The following TMEM202 variants were observed in gnomAD, a reference collection of about 807,000 sequenced individuals.
TMEM202 encodes the protein transmembrane protein 202.
Under a neutral mutation model 26.1 loss-of-function variants are expected in TMEM202, and 25 were observed. That is an observed-to-expected ratio of 0.96 (90% CI 0.70 to 1.34). The LOEUF is 1.34. Ranked by LOEUF, TMEM202 falls within the 40% of genes most tolerant of loss-of-function variation. The pLI, the probability that TMEM202 is intolerant of heterozygous loss-of-function variation, is 0.00. For synonymous variants in TMEM202, 122 were observed against 119.0 expected (o/e 1.02, Z -0.16); for missense variants, 301 against 327.7 (o/e 0.92, Z 0.63).
At chr15:72,406,211 C>T (rs925908813) in intron 2 of TMEM202, among the ~76,000 whole-genome samples, 4 of 151,998 alleles carry the variant, frequency 2.6e-5, no homozygotes, top group Non-Finnish European at 5.9e-5. Flanking sequence ...AAAATATTAA[C>T]AATGGTTGCC....
In TMEM202 at chr15:72,408,171, G is replaced by C; in HGVS notation, c.*278G>C. ...TGAAAGATGCAGTGTGTAGACCAGA[G>C]ACCTCTTTGGGTATCAGGGATCTCA... On this transcript the variant is annotated 3_prime_UTR_variant, in exon 5 of 5. Coordinates refer to ENST00000341689, the MANE Select transcript of TMEM202 (RefSeq NM_001080462.3). 1 of 334,756 alleles carries C rather than the reference G, an allele frequency of 3.0e-6. No individual in the cohort carries two copies. Among genetic ancestry groups the C allele is most frequent in the Non-Finnish European group, 5.5e-6 (1 of 181,116 alleles). The allele number at this position is 334,756 out of a possible 1,614,324, so 20.7% of individuals were successfully genotyped here. A position where few individuals can be genotyped will look rare whatever the true frequency, so the allele number is the denominator to read the frequency against.
In TMEM202 at chr15:72,398,665, G is replaced by T. The variant is rs746676694; in HGVS notation, c.94G>T (p.Ala32Ser). The change falls in exon 2 of 5, where the codon GCC (alanine) becomes TCC (serine). Residue 32 changes from alanine (A) to serine (S), a missense_variant. Physicochemically the swap from Ala to Ser is moderately conservative, Grantham distance 99 (BLOSUM62 1). Coordinates refer to ENST00000341689, the MANE Select transcript of TMEM202 (RefSeq NM_001080462.3). ...CTCATCCTTGTAGCCTACCGTCCCT[G>T]CCAAGAAACATCCAAGTGCCTCGAT... ...NRKYQRPTVP[A>S]KKHPSASMSC... is the part of the protein sequence containing the mutation. 1.9e-5 allele frequency: 30 copies of T among 1,613,978 alleles called. No individual in the cohort carries two copies. The South Asian group carries it at 2.9e-4, about 15-fold the overall frequency.
rs984068518 is a variant in TMEM202 at position 72,407,957 on chromosome 15, T to C, written c.*64T>C. The C allele has an allele frequency of 5.1e-6, 7 of 1,370,816 alleles. No homozygotes were observed. The highest frequency in any genetic ancestry group is 5.1e-6 in the Non-Finnish European group (5 of 984,382). The allele number at this position is 1,370,816 out of a possible 1,614,324, so 84.9% of individuals were successfully genotyped here. A position where few individuals can be genotyped will look rare whatever the true frequency, so the allele number is the denominator to read the frequency against. On this transcript the variant is annotated 3_prime_UTR_variant, in exon 5 of 5. Transcript: ENST00000341689. ...AGAAGCTGAGTTGGGAATGGTCACA[T>C]AAATTCTGGGAAACTCTCCTAATAT... is the stretch of plus-strand genomic sequence containing the variant.
In TMEM202 at chr15:72,407,135, G is replaced by T. The variant is rs751516731; in HGVS notation, c.537G>T (p.Trp179Cys). 1 of 1,613,076 alleles carries T rather than the reference G, an allele frequency of 6.2e-7. No individual in the cohort carries two copies. The highest frequency in any genetic ancestry group is 8.5e-7 in the Non-Finnish European group (1 of 1,179,778). ...ACCTGTTTGTGGCACAGGTTCACTG[G>T]CATACTAGGGATGCCATGGAGTCAG... The part of the protein sequence containing the change: ...CLNLFVAQVH[W>C]HTRDAMESDL... Residue 179 changes from tryptophan to cysteine, a missense_variant, in exon 4 of 5, where the codon TGG (tryptophan) becomes TGT (cysteine). Physicochemically the swap from Trp to Cys is radical, Grantham distance 215. Coordinates refer to ENST00000341689, the MANE Select transcript of TMEM202 (RefSeq NM_001080462.3).
intron 2 of TMEM202, among the ~76,000 whole-genome samples, chr15:72,402,004 C>T (rs2063549708): frequency 6.6e-6 from 1 of 152,050 alleles, no homozygotes; most frequent in Non-Finnish European, 1.5e-5. Context: ...CTCATTCTGT[C>T]ACCCAGGCTG....
At chr15:72,405,279 G>A (rs1335804726) in intron 2 of TMEM202, among the ~76,000 whole-genome samples, 1 of 152,130 alleles carries the variant, frequency 6.6e-6, no homozygotes, top group Non-Finnish European at 1.5e-5. Context: ...AGAAAAAGAA[G>A]CTAGATAAGG....
rs1433531343 is a variant in TMEM202 at position 72,406,759 on chromosome 15, C to T, written c.487+8C>T. The T allele has an allele frequency of 1.2e-6, 2 of 1,613,182 alleles. No individual in the cohort carries two copies. Among genetic ancestry groups the T allele is most frequent in the East Asian group, 2.2e-5 (1 of 44,880 alleles). On this transcript the variant is annotated splice_region_variant and intron_variant, in intron 3 of 4. Transcript: ENST00000341689. The stretch of plus-strand genomic sequence containing the variant: ...TGCTCAGCTTCATCTCAGGTACAGA[C>T]CTAGACTGGCAGGGTATTTTACCAT...
In TMEM202 at chr15:72,402,831, G is replaced by C. The variant is rs1050276917; in HGVS notation, c.338-3771G>C. 3.3e-5 allele frequency among the ~76,000 whole-genome samples: 5 copies of C among 152,198 alleles called. No individual in the cohort carries two copies. The East Asian group carries it at 9.6e-4, about 29-fold the overall frequency. ...TATTCTGGCACTCCAACTGGGTTAC[G>C]AGGGGACTTAAATACTAAGCAGATT... On this transcript the variant is annotated intron_variant, in intron 2 of 4. Transcript: ENST00000341689.
At chr15:72,400,550 C>A (rs2063542862) in intron 2 of TMEM202, among the ~76,000 whole-genome samples, 1 of 152,156 alleles carries the variant, frequency 6.6e-6, no homozygotes, top group African/African-American at 2.4e-5. Flanking sequence ...GATTAAGCTG[C>A]AATCATATTT....
At chr15:72,403,114 CG>C (rs1310082059) in intron 2 of TMEM202, among the ~76,000 whole-genome samples, 5 of 152,140 alleles carry the variant, frequency 3.3e-5, no homozygotes, top group African/African-American at 1.2e-4. Context: ...AAGGAGATCC[CG>C]CCCATTATTT....
At position 72,406,860 on chromosome 15, in the gene TMEM202, G is replaced by A. The variant is rs2063574244; in HGVS notation, c.487+109G>A. On this transcript the variant is annotated intron_variant, in intron 3 of 4. Transcript: ENST00000341689. The stretch of plus-strand genomic sequence containing the variant: ...TTTCTTATCTCTTTGCTCTTCTTCA[G>A]TATCACACCAACTTGCCAGCTATCT... The A allele has an allele frequency of 4.6e-6, 6 of 1,316,464 alleles. No individual in the cohort carries two copies. In the South Asian group the frequency reaches 6.9e-5, roughly 15 times the overall value. 81.5% of individuals were successfully genotyped at this position (1,316,464 alleles called of 1,614,324 possible).
intron 2 of TMEM202, among the ~76,000 whole-genome samples, chr15:72,402,590 C>G (rs1238787674): frequency 6.6e-6 from 1 of 152,140 alleles, no homozygotes; most frequent in Non-Finnish European, 1.5e-5. Flanking sequence ...ACTAGGAAGT[C>G]TCAAGTGTAG....
chr15:72,407,713 C>T lies in TMEM202; in HGVS notation c.642C>T (p.Tyr214=). Residue 214 remains tyrosine, a synonymous_variant, in exon 5 of 5, where the codon TAC becomes TAT. Coordinates refer to ENST00000341689, the MANE Select transcript of TMEM202 (RefSeq NM_001080462.3). ...MFAGIISLLN[Y]LTSRSPACDE... ...TAGGGATCATCTCTCTTCTCAACTA[C>T]TTAACTTCCAGATCGCCTGCCTGTG... 6.2e-7 allele frequency: 1 copy of T among 1,613,962 alleles called. No homozygotes were observed. Among genetic ancestry groups the T allele is most frequent in the South Asian group, 1.1e-5 (1 of 91,076 alleles).
At chr15:72,399,012 T>G in intron 2 of TMEM202, 104 bp downstream of exon 2, 1 of 1,369,834 alleles carries the variant, frequency 7.3e-7, no homozygotes, top group Non-Finnish European at 1.0e-6. Flanking sequence ...CTTTTGGCCT[T>G]CACCTCTCCA....
chr15:72,406,264 G>A (rs552272102), intron 2 of TMEM202, among the ~76,000 whole-genome samples: 1 of 151,888 alleles, frequency 6.6e-6, no homozygotes, highest in African/African-American at 2.4e-5. Context: ...CTGCTTCTTT[G>A]TTCTTTTGTA....
chr15:72,407,953 C>T lies in TMEM202; in HGVS notation c.*60C>T. 6 of 1,404,566 alleles carry T rather than the reference C, an allele frequency of 4.3e-6. No homozygotes were observed. In the South Asian group the frequency reaches 7.3e-5, roughly 17 times the overall value. The allele number at this position is 1,404,566 out of a possible 1,614,324, so 87.0% of individuals were successfully genotyped here. A position where few individuals can be genotyped will look rare whatever the true frequency, so the allele number is the denominator to read the frequency against. Reference sequence around the variant, plus strand: ...GGGGAGAAGCTGAGTTGGGAATGGTCACATAAATTCTGGGAAACTCTCCTA... The same window carrying T: ...GGGGAGAAGCTGAGTTGGGAATGGTTACATAAATTCTGGGAAACTCTCCTA... On this transcript the variant is annotated 3_prime_UTR_variant, in exon 5 of 5. Transcript: ENST00000341689.
Position 72,407,949 on chromosome 15 carries a change from TG to T in TMEM202, c.*58del. On this transcript the variant is annotated 3_prime_UTR_variant, in exon 5 of 5. Transcript: ENST00000341689. ...AGCAGGGGAGAAGCTGAGTTGGGAA[TG>T]GTCACATAAATTCTGGGAAACTCTC... 1 of 1,445,758 alleles carries T rather than the reference TG, an allele frequency of 6.9e-7. No homozygotes were observed. The highest frequency in any genetic ancestry group is 9.6e-7 in the Non-Finnish European group (1 of 1,045,008). The allele number at this position is 1,445,758 out of a possible 1,614,324, so 89.6% of individuals were successfully genotyped here.
Position 72,407,257 on chromosome 15 carries a change from G to T in TMEM202, c.619+40G>T, listed in dbSNP as rs141438106. ...TGCTCTATGCTAGAAGGATGGATAG[G>T]GAAATCGCTTCTGGAAAGGGAGGTA... On this transcript the variant is annotated intron_variant, in intron 4 of 4. Transcript: ENST00000341689. 14,607 of 1,606,328 alleles carry T rather than the reference G, an allele frequency of 9.1e-3. 93 individuals carry two copies. Among genetic ancestry groups the T allele is most frequent in the Middle Eastern group, 0.02 (119 of 5,970 alleles).
In TMEM202 at chr15:72,398,317, A is replaced by G. The variant is rs1487118904; in HGVS notation, c.-10A>G. On this transcript the variant is annotated 5_prime_UTR_variant, in exon 1 of 5. Coordinates refer to ENST00000341689, the MANE Select transcript of TMEM202 (RefSeq NM_001080462.3). ...CAAATTCCGTGGCAGTTAGAGAACT[A>G]ACTGCCAAGATGGAGCGAAGGGAAC... is the stretch of plus-strand genomic sequence containing the variant. The G allele has an allele frequency of 6.2e-7, 1 of 1,610,718 alleles. No individual in the cohort carries two copies. Among genetic ancestry groups the G allele is most frequent in the African/African-American group, 1.3e-5 (1 of 74,878 alleles).
Sources: gnomAD v4.1 joint callset for allele counts (sites outside exome capture counted in the v4.1 genomes callset) on GRCh38, gnomAD v4.1.1 for gene constraint, MANE v1.5 for transcripts, NCBI Gene and HGNC (gene_info 2026-07-23, HGNC 2026-07-21) for gene names.